Variants in MAMLD1 observed in about 807,000 individuals in gnomAD.
MAMLD1 encodes mastermind-like domain-containing protein 1.
Under a neutral mutation model 45.0 loss-of-function variants are expected in MAMLD1, and 14 were observed. The ratio of observed to expected loss-of-function variants is 0.31; its 90% CI spans 0.21 to 0.49. MAMLD1 has a LOEUF of 0.49. Ranked by LOEUF, MAMLD1 falls within the 20% of genes least tolerant of loss-of-function variation. The pLI is 0.99. For missense variants in MAMLD1, 543 were observed against 603.6 expected (o/e 0.90, Z 1.05); for synonymous variants, 254 against 247.8 (o/e 1.02, Z -0.24).
At chrX:150,451,810 G>A (rs781977093) in intron 2 of MAMLD1, among the ~76,000 whole-genome samples, 56 of 110,660 alleles carry the variant, frequency 5.1e-4, no homozygotes, top group Non-Finnish European at 9.1e-4. Context: ...AAGTGGATTT[G>A]ACCACTGGGC....
chrX:150,505,010 G>A (rs1404961513), intron 6 of MAMLD1: 1 of 751,385 alleles, frequency 1.3e-6, no homozygotes, highest in African/African-American at 2.3e-5. Flanking sequence ...TCTAAACCAA[G>A]TTCTTCCCAG....
intron 1 of MAMLD1, among the ~76,000 whole-genome samples, chrX:150,390,594 C>T (rs1189162508): frequency 1.5e-4 from 17 of 112,292 alleles, no homozygotes; most frequent in African/African-American, 5.2e-4. Context: ...GGTCCTTCTA[C>T]CCTTCCTACT....
chrX:150,481,243 G>A (rs1182443368), intron 5 of MAMLD1, among the ~76,000 whole-genome samples: 2 of 112,893 alleles, frequency 1.8e-5, no homozygotes, highest in Non-Finnish European at 3.7e-5. Context: ...TTTCAAAGAT[G>A]AGCTCTGGAA....
chrX:150,403,948 G>GA (rs1176877651), intron 1 of MAMLD1, among the ~76,000 whole-genome samples: 907 of 62,619 alleles, frequency 0.014, 7 homozygotes, highest in Middle Eastern at 0.025. Context: ...AGAAAAGAAA[G>GA]AAAGAAAGAA....
intron 1 of MAMLD1, among the ~76,000 whole-genome samples, chrX:150,418,081 G>A: frequency 9.0e-6 from 1 of 111,202 alleles, no homozygotes; most frequent in Non-Finnish European, 1.9e-5. Flanking sequence ...ACTCTTTTTG[G>A]TTGGTAGGCT....
chrX:150,367,699 TC>T (rs1344905589), intron 1 of MAMLD1, among the ~76,000 whole-genome samples: 1 of 110,738 alleles, frequency 9.0e-6, no homozygotes, highest in Non-Finnish European at 1.9e-5. Flanking sequence ...CCTAATGCTG[TC>T]CCTCCCTCCT....
rs781925103 is a variant in MAMLD1 at position 150,510,010 on chromosome X, AAT to A, written c.*9_*10del. The A allele has an allele frequency of 1.7e-6, 2 of 1,206,165 alleles. No individual in the cohort carries two copies. The highest frequency in any genetic ancestry group is 3.5e-5 in the South Asian group (2 of 56,838). ...TATGGCAATGACCCCTGAACGGCAG[AAT>A]GCATATATCTCCCAACAGATGAGTC... On this transcript the variant is annotated 3_prime_UTR_variant, in exon 7 of 8. Coordinates refer to ENST00000370401, the MANE Select transcript of MAMLD1 (RefSeq NM_005491.5).
intron 1 of MAMLD1, among the ~76,000 whole-genome samples, chrX:150,442,399 A>G (rs2035346786): frequency 1.8e-5 from 2 of 111,134 alleles, no homozygotes; most frequent in African/African-American, 6.5e-5. Flanking sequence ...TACTCAAACA[A>G]TGTTTAGAAT....
chrX:150,451,868 T>C (rs2124612078), intron 2 of MAMLD1, among the ~76,000 whole-genome samples: 1 of 111,034 alleles, frequency 9.0e-6, no homozygotes, highest in African/African-American at 3.3e-5. Context: ...TGCCTCCCTC[T>C]CTCTTGCTCC....
intron 1 of MAMLD1, among the ~76,000 whole-genome samples, chrX:150,371,035 C>T (rs2031942368): frequency 9.0e-6 from 1 of 111,160 alleles, no homozygotes; most frequent in Admixed American, 9.5e-5. Context: ...CCTTCCTCGG[C>T]CTGCAAGAGG....
chrX:150,504,388 T>C (rs1250255691), intron 6 of MAMLD1: 1 of 752,663 alleles, frequency 1.3e-6, no homozygotes, highest in Non-Finnish European at 1.6e-6. Flanking sequence ...CCCAGGATTC[T>C]GGCCTTTAAT....
intron 5 of MAMLD1, among the ~76,000 whole-genome samples, chrX:150,486,268 GC>G (rs1478026070): frequency 8.9e-6 from 1 of 111,804 alleles, no homozygotes; most frequent in Non-Finnish European, 1.9e-5. Context: ...ATTTCCTCCT[GC>G]CCCATTCAGA....
At position 150,470,551 on chromosome X, in the gene MAMLD1, C is replaced by G. The variant is rs1279714647; in HGVS notation, c.978C>G (p.Pro326=). Residue 326 remains proline, a synonymous_variant, in exon 4 of 8, where the codon CCC becomes CCG. Transcript: ENST00000370401. ...GSATKQQGPT[P]SWSGLPPPGL... is the part of the protein sequence containing the mutation. ...CTACAAAGCAGCAAGGGCCCACCCCCAGTTGGTCTGGTCTGCCTCCTCCAG... is the reference window on the plus strand; with the variant it reads ...CTACAAAGCAGCAAGGGCCCACCCCGAGTTGGTCTGGTCTGCCTCCTCCAG... 1 of 1,210,003 alleles carries G rather than the reference C, an allele frequency of 8.3e-7. No homozygotes were observed. The highest frequency in any genetic ancestry group is 1.1e-6 in the Non-Finnish European group (1 of 895,193).
chrX:150,450,392 C>G (rs1352630918), intron 2 of MAMLD1, among the ~76,000 whole-genome samples: 3 of 111,770 alleles, frequency 2.7e-5, no homozygotes, highest in Non-Finnish European at 3.8e-5. Flanking sequence ...GCTGAAGGCG[C>G]GGCACAGGTG....
Position 150,512,467 on chromosome X carries a change from C to T in MAMLD1, c.*508C>T, listed in dbSNP as rs1286223105. The T allele has an allele frequency of 8.7e-6, 10 of 1,154,877 alleles. No homozygotes were observed. In the African/African-American group the frequency reaches 1.3e-4, roughly 14 times the overall value. On this transcript the variant is annotated 3_prime_UTR_variant, in exon 8 of 8. Transcript: ENST00000370401. ...CCACAGCAGTTTCGGGGAAAACACC[C>T]CTCAGCCAAGTGGATAATAGCGTTC...
chrX:150,362,061 C>A (rs1162651695), upstream of MAMLD1, among the ~76,000 whole-genome samples: 1 of 112,231 alleles, frequency 8.9e-6, no homozygotes, highest in Non-Finnish European at 1.9e-5. Flanking sequence ...GTGGGGCACT[C>A]GGCCGGGATG....
Position 150,471,211 on chromosome X carries a change from C to G in MAMLD1, c.1638C>G (p.Ser546=). 1 of 1,212,016 alleles carries G rather than the reference C, an allele frequency of 8.3e-7. No individual in the cohort carries two copies. Among genetic ancestry groups the G allele is most frequent in the Non-Finnish European group, 1.1e-6 (1 of 895,576 alleles). The part of the protein sequence containing the change: ...PFTFGNTKPL[S]HFVSEPGPQK... ...CTTTTGGCAACACCAAGCCCTTGTC[C>G]CATTTTGTTTCTGAGCCGGGTCCCC... The change falls in exon 4 of 8, where the codon TCC becomes TCG. Residue 546 remains serine, a synonymous_variant. Transcript: ENST00000370401.
intron 5 of MAMLD1, among the ~76,000 whole-genome samples, chrX:150,487,560 G>A (rs5970279): frequency 0.032 from 3,581 of 111,800 alleles, 49 homozygotes; most frequent in Non-Finnish European, 0.049. Context: ...TATGTGACCC[G>A]GGTATTCATT....
At chrX:150,408,489 T>G (rs937690859) in intron 1 of MAMLD1, among the ~76,000 whole-genome samples, 13 of 112,230 alleles carry the variant, frequency 1.2e-4, no homozygotes, top group African/African-American at 3.6e-4. Flanking sequence ...GTTCCCTTTA[T>G]CTGCAGAGTG....
Sources: allele counts gnomAD v4.1 joint callset (sites outside exome capture counted in the v4.1 genomes callset), GRCh38; gene constraint gnomAD v4.1.1; transcripts MANE v1.5; gene names NCBI Gene and HGNC (gene_info 2026-07-23, HGNC 2026-07-21).